The following GASK1A variants were observed in gnomAD, a reference collection of about 807,000 sequenced individuals.
GASK1A encodes golgi associated kinase 1A.
GASK1A carries 40 observed loss-of-function variants against 41.2 expected under a neutral mutation model. The observed-to-expected ratio is 0.97, with a 90% CI of 0.75 to 1.27. The LOEUF (loss-of-function observed/expected upper bound fraction) is 1.27, where lower values mean the gene tolerates loss of function less well. Among genes scored for constraint, GASK1A ranks in the 50% most tolerant of loss-of-function variants. The pLI is 0.00. For synonymous variants in GASK1A, 316 were observed against 307.1 expected, an observed-to-expected ratio of 1.03 and a Z score of -0.30; for missense variants, 678 against 745.1, an observed-to-expected ratio of 0.91 and a Z score of 1.05.
intron 1 of GASK1A, among the ~76,000 whole-genome samples, chr3:43,030,293 G>A (rs892947419): frequency 6.6e-6 from 1 of 152,200 alleles, no homozygotes; most frequent in East Asian, 1.9e-4. Context: ...AGGCATGAGC[G>A]ACCGCGCCCA....
chr3:43,045,341 A>G (rs1347839957), intron 2 of GASK1A, among the ~76,000 whole-genome samples: 1 of 152,082 alleles, frequency 6.6e-6, no homozygotes, highest in Non-Finnish European at 1.5e-5. Context: ...AAAGGCCATG[A>G]GGGGTTTTAG....
intron 2 of GASK1A, among the ~76,000 whole-genome samples, chr3:43,048,287 C>T (rs1419148792): frequency 2.0e-5 from 3 of 152,166 alleles, no homozygotes; most frequent in Admixed American, 2.0e-4. Flanking sequence ...TACTCCGTAA[C>T]TTGATTCTCA....
At chr3:42,983,527 T>C in intron 1 of GASK1A, among the ~76,000 whole-genome samples, 1 of 152,172 alleles carries the variant, frequency 6.6e-6, no homozygotes, top group East Asian at 1.9e-4. Flanking sequence ...TCGTCCAGTC[T>C]GTCTCCCTTG....
chr3:43,056,480 C>A lies in GASK1A; in HGVS notation c.*94C>A. ...GAGGACAAATGGGAAAAGCCAGAAG[C>A]CAGAGGGGCACAAGGATGTCACGGG... On this transcript the variant is annotated 3_prime_UTR_variant, in exon 5 of 5. Coordinates refer to ENST00000430121, the MANE Select transcript of GASK1A (RefSeq NM_001129908.3). The A allele has an allele frequency of 8.9e-7, 1 of 1,120,790 alleles. No individual in the cohort carries two copies. Among genetic ancestry groups the A allele is most frequent in the Non-Finnish European group, 1.2e-6 (1 of 802,410 alleles). 69.4% of individuals were successfully genotyped at this position (1,120,790 alleles called of 1,614,324 possible). A position where few individuals can be genotyped will look rare whatever the true frequency, so the allele number is the denominator to read the frequency against.
At chr3:42,988,470 A>G (rs548541424) in intron 1 of GASK1A, among the ~76,000 whole-genome samples, 2 of 152,308 alleles carry the variant, frequency 1.3e-5, no homozygotes, top group East Asian at 1.9e-4. Flanking sequence ...CCGGTCAAAA[A>G]CAGCAGAGGG....
intron 1 of GASK1A, among the ~76,000 whole-genome samples, chr3:43,018,960 G>A (rs535335000): frequency 2.4e-4 from 37 of 152,150 alleles, no homozygotes; most frequent in Non-Finnish European, 4.4e-4. Context: ...CCTTGGTGCT[G>A]CCCTTGTCAG....
chr3:42,997,874 G>A lies in GASK1A; in HGVS notation c.3+18229G>A, dbSNP rs536297175. On this transcript the variant is annotated intron_variant, in intron 1 of 4. Transcript: ENST00000430121. ...TGAGACAGGGAAGGCAGCCAGTGCA[G>A]GGTGCATGAGAGGGCAGGTTCCTGC... 2.0e-5 allele frequency among the ~76,000 whole-genome samples: 3 copies of A among 152,328 alleles called. No individual in the cohort carries two copies. The South Asian group carries it at 6.2e-4, about 32-fold the overall frequency.
intron 1 of GASK1A, among the ~76,000 whole-genome samples, chr3:42,989,132 G>T (rs1451483763): frequency 6.6e-6 from 1 of 152,192 alleles, no homozygotes; most frequent in African/African-American, 2.4e-5. Context: ...ATCTACAAAG[G>T]AGATGAATGA....
intron 1 of GASK1A, among the ~76,000 whole-genome samples, chr3:42,994,797 C>T (rs1203027983): frequency 1.3e-5 from 2 of 151,728 alleles, no homozygotes; most frequent in Non-Finnish European, 2.9e-5. Flanking sequence ...CGACAGCATC[C>T]ACCACAGTGT....
intron 1 of GASK1A, among the ~76,000 whole-genome samples, chr3:42,988,743 T>C (rs2089325792): frequency 6.6e-6 from 1 of 152,236 alleles, no homozygotes; most frequent in Admixed American, 6.5e-5. Flanking sequence ...AGAGCAGTGC[T>C]GTTTTCTGCT....
At chr3:43,055,583 T>A in intron 4 of GASK1A, 48 bp downstream of exon 4, 1 of 1,349,146 alleles carries the variant, frequency 7.4e-7, no homozygotes, top group Non-Finnish European at 1.0e-6. Context: ...TGAGACCTGA[T>A]GGCCTTGCTG....
At chr3:43,051,892 C>T (rs905444430) in intron 2 of GASK1A, among the ~76,000 whole-genome samples, 1 of 152,168 alleles carries the variant, frequency 6.6e-6, no homozygotes, top group Non-Finnish European at 1.5e-5. Flanking sequence ...TCTTCCTCTC[C>T]AGTGTTGTTC....
chr3:43,054,140 G>A (rs1315281727), intron 3 of GASK1A: 3 of 253,378 alleles, frequency 1.2e-5, no homozygotes, highest in African/African-American at 2.2e-5. Context: ...GAGGCCATTG[G>A]AGAGGGCAGA....
intron 2 of GASK1A, among the ~76,000 whole-genome samples, chr3:43,049,724 A>G (rs1439213581): frequency 6.6e-6 from 1 of 152,142 alleles, no homozygotes. Flanking sequence ...ATGTTTGGGG[A>G]CAGTACTTGG....
intron 1 of GASK1A, among the ~76,000 whole-genome samples, chr3:42,986,645 G>A (rs1006150517): frequency 2.9e-4 from 44 of 152,166 alleles, no homozygotes; most frequent in African/African-American, 9.9e-4. Flanking sequence ...CCTGGCTCTT[G>A]GATGTGGGTG....
At position 43,055,436 on chromosome 3, in the gene GASK1A, G is replaced by A. The variant is rs1004156378; in HGVS notation, c.1418G>A (p.Arg473Gln). The A allele has an allele frequency of 1.5e-5, 24 of 1,550,950 alleles. No individual in the cohort carries two copies. Among genetic ancestry groups the A allele is most frequent in the Middle Eastern group, 1.7e-4 (1 of 6,010 alleles). ...CTGTCCACCCTCTTCCCTGAGGTCC[G>A]GAGCAGCGATCCATCTCACCTGGTC... is the stretch of plus-strand genomic sequence containing the variant. ...AELRLVHILV[R>Q]SSDPSHLVYI... The change falls in exon 4 of 5, where the codon CGG becomes CAG. Residue 473 changes from arginine (R) to glutamine (Q), a missense_variant. By Grantham distance (43) the Arg-to-Gln change is conservative. Transcript: ENST00000430121.
Position 43,057,219 on chromosome 3 carries a change from A to T in GASK1A, c.*833A>T, listed in dbSNP as rs1194792329. On this transcript the variant is annotated 3_prime_UTR_variant, in exon 5 of 5. Transcript: ENST00000430121. ...ATTTTCTTTAGCTGGTCCCATAATC[A>T]TGAACATTTAAGTAGCTCCAATTTT... 1 of 152,274 alleles carries T rather than the reference A, an allele frequency of 6.6e-6. No homozygotes were observed. The highest frequency in any genetic ancestry group is 1.5e-5 in the Non-Finnish European group (1 of 68,046). The allele number at this position is 152,274 out of a possible 1,614,324, so 9.4% of individuals were successfully genotyped here. A position where few individuals can be genotyped will look rare whatever the true frequency, so the allele number is the denominator to read the frequency against.
intron 1 of GASK1A, among the ~76,000 whole-genome samples, chr3:43,018,091 T>G (rs970625206): frequency 6.6e-6 from 1 of 152,210 alleles, no homozygotes; most frequent in Non-Finnish European, 1.5e-5. Context: ...CGGGAAGTTG[T>G]TGAATGAGAC....
intron 2 of GASK1A, among the ~76,000 whole-genome samples, chr3:43,052,500 T>C (rs767700221): frequency 1.3e-5 from 2 of 152,170 alleles, no homozygotes; most frequent in Non-Finnish European, 2.9e-5. Flanking sequence ...CATTGAGGTA[T>C]TGCATCAAAC....
Sources: gnomAD v4.1 joint callset for allele counts (sites outside exome capture counted in the v4.1 genomes callset) on GRCh38, gnomAD v4.1.1 for gene constraint, MANE v1.5 for transcripts, NCBI Gene and HGNC (gene_info 2026-07-23, HGNC 2026-07-21) for gene names.